Variants in PEX1 observed in about 807,000 individuals in gnomAD.
PEX1 encodes peroxisomal biogenesis factor 1, also known as peroxisomal ATPase PEX1.
In PEX1, 97 loss-of-function variants were observed where a neutral mutation model predicts 152.5. The ratio of observed to expected loss-of-function variants is 0.64; its 90% CI spans 0.54 to 0.75. The LOEUF is 0.75. PEX1 is among the 30% of genes least tolerant of loss of function. The pLI, the probability that PEX1 is intolerant of heterozygous loss-of-function variation, is 0.00. For synonymous variants in PEX1, 485 were observed against 531.6 expected (o/e 0.91, Z 1.21); for missense variants, 1,357 against 1,516.3 (o/e 0.89, Z 1.74).
chr7:92,498,014 C>T (rs1328358263), intron 16 of PEX1, among the ~76,000 whole-genome samples: 4 of 141,618 alleles, frequency 2.8e-5, no homozygotes, highest in African/African-American at 8.0e-5. Context: ...TGCAGTGAGC[C>T]GAGATCATGC....
intron 21 of PEX1, chr7:92,490,133 A>AT: frequency 1.7e-6 from 1 of 573,764 alleles, no homozygotes; most frequent in Non-Finnish European, 3.1e-6. Context: ...GAAAATTGCC[A>AT]TAACACAGGG....
chr7:92,528,247 AG>A (rs1382702559), intron 1 of PEX1, 59 bp downstream of exon 1: 1 of 1,540,854 alleles, frequency 6.5e-7, no homozygotes, highest in Non-Finnish European at 8.7e-7. Context: ...CGTCCCTGAG[AG>A]GCTTCGGCCT....
At position 92,491,122 on chromosome 7, in the gene PEX1, T is replaced by C. The variant is rs904425527; in HGVS notation, c.3438+150A>G. 8.0e-6 allele frequency: 5 copies of C among 623,260 alleles called. No homozygotes were observed. The African/African-American group carries it at 9.2e-5, about 11-fold the overall frequency. 38.6% of individuals were successfully genotyped at this position (623,260 alleles called of 1,614,324 possible). On this transcript the variant is annotated intron_variant, in intron 21 of 23. Coordinates refer to ENST00000248633, the MANE Select transcript of PEX1 (RefSeq NM_000466.3). ...CTTAACAAGGAATGCAAATTACCAA[T>C]TAGTGTAAGCAAGAAACAAGACTAT...
chr7:92,491,011 C>G (rs1017808342), intron 21 of PEX1, among the ~76,000 whole-genome samples: 5 of 152,204 alleles, frequency 3.3e-5, no homozygotes, highest in African/African-American at 9.7e-5. Flanking sequence ...TTTAAAGCCA[C>G]TAGGTAAGAG....
intron 15 of PEX1, among the ~76,000 whole-genome samples, chr7:92,500,399 T>C (rs1043430314): frequency 2.0e-5 from 3 of 152,184 alleles, no homozygotes; most frequent in Non-Finnish European, 4.4e-5. Context: ...GCCTATTTAG[T>C]TCCCTCTATT....
At position 92,522,093 on chromosome 7, in the gene PEX1, T is replaced by C. The variant is rs1585260775; in HGVS notation, c.273+9A>G. The C allele has an allele frequency of 9.9e-6, 16 of 1,613,594 alleles. No individual in the cohort carries two copies. The highest frequency in any genetic ancestry group is 1.4e-5 in the Non-Finnish European group (16 of 1,179,538). ...TTAGAAGAAAGTTATTGCCATCACATGTGCTTACCTGTCCCCCATTTGAGA... is the reference window on the plus strand; with the variant it reads ...TTAGAAGAAAGTTATTGCCATCACACGTGCTTACCTGTCCCCCATTTGAGA... On this transcript the variant is annotated intron_variant, in intron 2 of 23. Transcript: ENST00000248633.
chr7:92,489,932 A>G, intron 21 of PEX1, 21 bp from the exon 22 acceptor site: 1 of 1,594,396 alleles, frequency 6.3e-7, no homozygotes, highest in African/African-American at 1.3e-5. Flanking sequence ...AATTGTAGTA[A>G]TGAAAGATGG....
At chr7:92,527,142 C>T (rs1336011989) in intron 1 of PEX1, among the ~76,000 whole-genome samples, 1 of 152,054 alleles carries the variant, frequency 6.6e-6, no homozygotes, top group Non-Finnish European at 1.5e-5. Flanking sequence ...AAGTACTTCC[C>T]GAAGGCTCAA....
intron 22 of PEX1, 102 bp from the exon 23 acceptor site, chr7:92,489,525 A>G: frequency 9.0e-7 from 1 of 1,114,810 alleles, no homozygotes. Context: ...TCAAGAGACC[A>G]TACGTTCTCT....
chr7:92,499,062 A>G (rs919230155), intron 16 of PEX1, among the ~76,000 whole-genome samples: 2 of 152,194 alleles, frequency 1.3e-5, no homozygotes, highest in African/African-American at 4.8e-5. Context: ...CTAGCCCACA[A>G]TTGAGAAACA....
intron 3 of PEX1, 60 bp from the exon 4 acceptor site, chr7:92,518,315 T>TA (rs973230101): frequency 5.1e-5 from 54 of 1,053,886 alleles, no homozygotes; most frequent in Middle Eastern, 2.3e-4. Context: ...CATATCTAGT[T>TA]AAAAAAAATC....
At chr7:92,493,925 C>CCTGCTT (rs1488575369) in intron 19 of PEX1, 1 of 267,958 alleles carries the variant, frequency 3.7e-6, no homozygotes, top group Non-Finnish European at 7.2e-6. Context: ...CTCTATGAAA[C>CCTGCTT]CTGCTTACAT....
chr7:92,493,138 A>G lies in PEX1; in HGVS notation c.3031-9T>C, dbSNP rs113162185. The G allele has an allele frequency of 1.3e-6, 2 of 1,492,150 alleles. No individual in the cohort carries two copies. The highest frequency in any genetic ancestry group is 9.3e-7 in the Non-Finnish European group (1 of 1,080,644). The allele number at this position is 1,492,150 out of a possible 1,614,324, so 92.4% of individuals were successfully genotyped here. On this transcript the variant is annotated splice_polypyrimidine_tract_variant and intron_variant, in intron 19 of 23. Coordinates refer to ENST00000248633, the MANE Select transcript of PEX1 (RefSeq NM_000466.3). ...ATTTCAAGACGTGACACCTGAAAGG[A>G]GAAAAATTTATTTAACAAATAAAAA...
intron 5 of PEX1, among the ~76,000 whole-genome samples, chr7:92,515,410 A>C (rs1792693937): frequency 6.6e-6 from 1 of 152,022 alleles, no homozygotes. Flanking sequence ...ATCAATTTTG[A>C]TCTCTCAAGC....
chr7:92,501,454 A>G, intron 15 of PEX1, 53 bp downstream of exon 15: 2 of 1,472,926 alleles, frequency 1.4e-6, no homozygotes, highest in Non-Finnish European at 1.9e-6. Flanking sequence ...AAAGCCAATA[A>G]TACAGTGGTT....
At chr7:92,522,714 G>A (rs574096189) in intron 1 of PEX1, among the ~76,000 whole-genome samples, 16 of 152,122 alleles carry the variant, frequency 1.1e-4, no homozygotes, top group Middle Eastern at 3.4e-3. Context: ...TAACATATAC[G>A]TTAATAAGTA....
In PEX1 at chr7:92,511,661, A is replaced by G. The variant is rs1177861548; in HGVS notation, c.1402T>C (p.Ser468Pro). 6.2e-7 allele frequency: 1 copy of G among 1,611,884 alleles called. No individual in the cohort carries two copies. Among genetic ancestry groups the G allele is most frequent in the Admixed American group, 1.7e-5 (1 of 60,022 alleles). Reference protein sequence around the residue: ...SEEDIKTVFYSWLQQSTTTML... With the variant: ...SEEDIKTVFYPWLQQSTTTML... Reference sequence around the variant, plus strand: ...GTGGTAGTAGACTGCTGTAGCCATGAATAAAATACAGTTTTTATGTCTTCT... The same window carrying G: ...GTGGTAGTAGACTGCTGTAGCCATGGATAAAATACAGTTTTTATGTCTTCT... Residue 468 changes from serine (S) to proline (P), a missense_variant, in exon 7 of 24, where the codon TCA becomes CCA. Transcript: ENST00000248633.
At chr7:92,518,895 C>T (rs1792927327) in intron 3 of PEX1, 100 bp downstream of exon 3, 11 of 919,432 alleles carry the variant, frequency 1.2e-5, no homozygotes, top group South Asian at 1.3e-5. Flanking sequence ...AATTCAAAAC[C>T]AACTCAGAAT....
chr7:92,490,281 AAAATT>A lies in PEX1; in HGVS notation c.3439-375_3439-371del, dbSNP rs1490038463. On this transcript the variant is annotated intron_variant, in intron 21 of 23. Coordinates refer to ENST00000248633, the MANE Select transcript of PEX1 (RefSeq NM_000466.3). Reference sequence around the variant, plus strand: ...TAAATTAAAAACAGAATTAAAGACTAAAATTAAACCACCACCTTACTGTTCTTGGG... The same window carrying A: ...TAAATTAAAAACAGAATTAAAGACTAAAACCACCACCTTACTGTTCTTGGG... The A allele has an allele frequency of 4.7e-4, 116 of 249,166 alleles. 2 individuals carry two copies. Among genetic ancestry groups the A allele is most frequent in the African/African-American group, 2.4e-3 (104 of 42,992 alleles). The allele number at this position is 249,166 out of a possible 1,614,324, so 15.4% of individuals were successfully genotyped here. A position where few individuals can be genotyped will look rare whatever the true frequency, so the allele number is the denominator to read the frequency against.
Sources: allele counts gnomAD v4.1 joint callset (sites outside exome capture counted in the v4.1 genomes callset), GRCh38; gene constraint gnomAD v4.1.1; transcripts MANE v1.5; gene names NCBI Gene and HGNC (gene_info 2026-07-23, HGNC 2026-07-21).